The following RAD51AP2 variants were observed in gnomAD, a reference collection of about 807,000 sequenced individuals.
RAD51AP2 encodes RAD51 associated protein 2, also known as RAD51-associated protein 2.
RAD51AP2 carries 67 observed loss-of-function variants against 85.5 expected under a neutral mutation model. The ratio of observed to expected loss-of-function variants is 0.78; its 90% CI spans 0.64 to 0.96. The LOEUF is 0.96. Among genes scored for constraint, RAD51AP2 ranks in the 40% least tolerant of loss-of-function variants. The pLI is 0.00. For synonymous variants in RAD51AP2, 474 were observed against 446.5 expected (o/e 1.06, Z -0.78); for missense variants, 1,307 against 1,332.4 (o/e 0.98, Z 0.30).
At chr2:17,513,884 C>T (rs866084279) in intron 2 of RAD51AP2, 128 bp downstream of exon 2, 2 of 603,810 alleles carry the variant, frequency 3.3e-6, no homozygotes, top group East Asian at 3.0e-5. Context: ...AATATTAATG[C>T]TCTTAAAAGG....
chr2:17,521,269 G>A (rs1662850238), upstream of RAD51AP2, among the ~76,000 whole-genome samples: 1 of 152,044 alleles, frequency 6.6e-6, no homozygotes, highest in African/African-American at 2.4e-5. Context: ...TTATAATCAT[G>A]TTGAAATACA....
At chr2:17,535,766 A>G in the RAD51AP2 span, among the ~76,000 whole-genome samples, 1 of 152,064 alleles carries the variant, frequency 6.6e-6, no homozygotes, top group African/African-American at 2.4e-5. Context: ...AGTTTGAGCC[A>G]TCTGTAACAA....
chr2:17,534,921 G>T, the RAD51AP2 span, among the ~76,000 whole-genome samples: 1 of 152,156 alleles, frequency 6.6e-6, no homozygotes, highest in African/African-American at 2.4e-5. Context: ...CAATCAAAAT[G>T]ATTCGAGAGT....
chr2:17,534,283 C>A, the RAD51AP2 span, among the ~76,000 whole-genome samples: 1 of 152,074 alleles, frequency 6.6e-6, no homozygotes, highest in Non-Finnish European at 1.5e-5. Flanking sequence ...ACAAAGTGAG[C>A]CAAATATTTT....
Position 17,515,321 on chromosome 2 carries a change from T to C in RAD51AP2, c.3095A>G (p.His1032Arg), listed in dbSNP as rs769703910. Residue 1032 changes from histidine (H) to arginine (R), a missense_variant, in exon 1 of 3, where the codon CAT (histidine) becomes CGT (arginine). By Grantham distance (29) the His-to-Arg change is conservative (BLOSUM62 0). This residue lies in a region of RAD51AP2 where 668 missense variants were observed against 671.0 expected (regional missense o/e 1.00). Coordinates refer to ENST00000399080, the MANE Select transcript of RAD51AP2 (RefSeq NM_001099218.3). ...CATATTAGGACCTGCTATAGTATCA[T>C]GGAACGAGGAAGATGCACGTATTTT... ...VNKIRASSSFHDTIAGPNMGK... is the reference protein window; with the variant it reads ...VNKIRASSSFRDTIAGPNMGK... 6.2e-6 allele frequency: 10 copies of C among 1,613,364 alleles called. No individual in the cohort carries two copies. Among genetic ancestry groups the C allele is most frequent in the Admixed American group, 1.7e-5 (1 of 59,910 alleles).
At chr2:17,532,873 C>A in the RAD51AP2 span, among the ~76,000 whole-genome samples, 2 of 152,174 alleles carry the variant, frequency 1.3e-5, no homozygotes, top group Non-Finnish European at 2.9e-5. Context: ...TATTAACAGA[C>A]CATGTTCTAC....
the RAD51AP2 span, among the ~76,000 whole-genome samples, chr2:17,536,219 A>C: frequency 6.6e-6 from 1 of 152,188 alleles, no homozygotes. Context: ...AGGGTTTTTG[A>C]AGACCCTTCT....
In RAD51AP2 at chr2:17,515,431, A is replaced by G. The variant is rs768997396; in HGVS notation, c.2985T>C (p.Asn995=). Residue 995 remains asparagine (N), a synonymous_variant, in exon 1 of 3, where the codon AAT becomes AAC. Coordinates refer to ENST00000399080, the MANE Select transcript of RAD51AP2 (RefSeq NM_001099218.3). ...NELLSTVETN[N]GQENYFGEND... is the part of the protein sequence containing the mutation. The stretch of plus-strand genomic sequence containing the variant: ...TTTCTCCAAAGTAATTTTCTTGCCC[A>G]TTGTTTGTTTCCACAGTGCTTAGAA... 16 of 1,612,844 alleles carry G rather than the reference A, an allele frequency of 9.9e-6. No homozygotes were observed. Among genetic ancestry groups the G allele is most frequent in the East Asian group, 2.2e-5 (1 of 44,798 alleles).
At chr2:17,529,283 A>T in the RAD51AP2 span, among the ~76,000 whole-genome samples, 19 of 151,356 alleles carry the variant, frequency 1.3e-4, no homozygotes, top group African/African-American at 4.6e-4. Context: ...ATTACTTAAA[A>T]TTTTTTTTCT....
chr2:17,515,370 C>A lies in RAD51AP2; in HGVS notation c.3046G>T (p.Asp1016Tyr), dbSNP rs780875842. ...TTGTTGACCACAACCATTTTCAAAT[C>A]TTTTTCTATCTCCATTTTTACCTTC... The part of the protein sequence containing the change: ...AEKVKMEIEK[D>Y]LKMVVVNKIR... The change falls in exon 1 of 3, where the codon GAT (aspartate) becomes TAT (tyrosine). Residue 1016 changes from aspartate (D) to tyrosine (Y), a missense_variant. Transcript: ENST00000399080. 9.3e-6 allele frequency: 15 copies of A among 1,611,412 alleles called. No homozygotes were observed. Among genetic ancestry groups the A allele is most frequent in the Middle Eastern group, 1.7e-4 (1 of 6,044 alleles).
At chr2:17,523,001 G>A (rs935969675), upstream of RAD51AP2, among the ~76,000 whole-genome samples, 1 of 151,898 alleles carries the variant, frequency 6.6e-6, no homozygotes, top group African/African-American at 2.4e-5. Flanking sequence ...AGTTGGAGGA[G>A]TAGAGTCGAA....
chr2:17,517,459 C>T lies in RAD51AP2; in HGVS notation c.957G>A (p.Ala319=), dbSNP rs202039097. The stretch of plus-strand genomic sequence containing the variant: ...CATAACATTTGGAAAAAATGTTTTC[C>T]GCTTCTACAGTTTTTTTATCATTCT... ...KLQNDKKTVE[A]ENIFSKCYEN... Residue 319 remains alanine (A), a synonymous_variant, in exon 1 of 3, where the codon GCG becomes GCA. Coordinates refer to ENST00000399080, the MANE Select transcript of RAD51AP2 (RefSeq NM_001099218.3). 1.1e-5 allele frequency: 18 copies of T among 1,613,748 alleles called. No individual in the cohort carries two copies. The highest frequency in any genetic ancestry group is 1.0e-4 in the Admixed American group (6 of 60,010).
rs529044508 is a variant in RAD51AP2, at chr2:17,513,876, T to C, written c.3328+136A>G. ...TAATTATTAGAATTTATCAGTATAA[T>C]ATTAATGCTCTTAAAAGGTGCTAAA... On this transcript the variant is annotated intron_variant, in intron 2 of 2. Coordinates refer to ENST00000399080, the MANE Select transcript of RAD51AP2 (RefSeq NM_001099218.3). 6.7e-6 allele frequency: 4 copies of C among 596,654 alleles called. No homozygotes were observed. The African/African-American group carries it at 7.5e-5, about 11-fold the overall frequency. 37.0% of individuals were successfully genotyped at this position (596,654 alleles called of 1,614,324 possible). A position where few individuals can be genotyped will look rare whatever the true frequency, so the allele number is the denominator to read the frequency against.
At chr2:17,514,126 G>A in intron 1 of RAD51AP2, 34 bp from the exon 2 acceptor site, 1 of 1,192,928 alleles carries the variant, frequency 8.4e-7, no homozygotes, top group East Asian at 2.4e-5. Context: ...ACAGCAAAAA[G>A]TAACTTTTAT....
the RAD51AP2 span, among the ~76,000 whole-genome samples, chr2:17,532,249 TG>T: frequency 5.9e-5 from 9 of 152,294 alleles, no homozygotes; most frequent in African/African-American, 2.2e-4. Context: ...TTCTGGGGGC[TG>T]GAAATCTAAA....
At chr2:17,522,936 G>T (rs1401412984), upstream of RAD51AP2, among the ~76,000 whole-genome samples, 1 of 151,926 alleles carries the variant, frequency 6.6e-6, no homozygotes, top group East Asian at 1.9e-4. Context: ...CATTTAACAT[G>T]AAAACTATGC....
chr2:17,526,671 G>T, the RAD51AP2 span, among the ~76,000 whole-genome samples: 1 of 152,032 alleles, frequency 6.6e-6, no homozygotes, highest in Non-Finnish European at 1.5e-5. Context: ...ATGTCTGCAG[G>T]AGACTTTGGT....
At chr2:17,523,370 T>TC (rs1260411247), upstream of RAD51AP2, among the ~76,000 whole-genome samples, 2 of 151,922 alleles carry the variant, frequency 1.3e-5, no homozygotes, top group African/African-American at 4.8e-5. Flanking sequence ...TGTAAATGGC[T>TC]CATAATGGAA....
At chr2:17,534,755 A>G in the RAD51AP2 span, among the ~76,000 whole-genome samples, 1 of 152,222 alleles carries the variant, frequency 6.6e-6, no homozygotes, top group Admixed American at 6.5e-5. Context: ...AGAAAAATAA[A>G]CAAACAAGAA....
Sources: allele counts gnomAD v4.1 joint callset (sites outside exome capture counted in the v4.1 genomes callset), GRCh38; gene constraint gnomAD v4.1.1; regional missense constraint gnomAD v4.1.1; transcripts MANE v1.5; gene names NCBI Gene and HGNC (gene_info 2026-07-23, HGNC 2026-07-21).